Variants in MDGA2 observed in about 807,000 individuals in gnomAD.
MDGA2 encodes MAM domain containing glycosylphosphatidylinositol anchor 2.
Under a neutral mutation model 117.8 loss-of-function variants are expected in MDGA2, and 40 were observed. The observed-to-expected ratio is 0.34, with a 90% confidence interval of 0.26 to 0.44. The LOEUF is 0.44. MDGA2 is among the 20% of genes least tolerant of loss of function. The pLI is 1.00. For synonymous variants in MDGA2, 452 were observed against 439.0 expected, an observed-to-expected ratio of 1.03 and a Z score of -0.37; for missense variants, 1,123 against 1,250.6, an observed-to-expected ratio of 0.90 and a Z score of 1.54.
At chr14:47,296,647 G>A (rs1889084731) in intron 2 of MDGA2, among the ~76,000 whole-genome samples, 1 of 152,168 alleles carries the variant, frequency 6.6e-6, no homozygotes, top group Non-Finnish European at 1.5e-5. Context: ...CTGCCGTTGA[G>A]AAAGCAAGTA....
At chr14:47,576,889 C>T (rs543324165) in intron 1 of MDGA2, among the ~76,000 whole-genome samples, 1 of 152,040 alleles carries the variant, frequency 6.6e-6, no homozygotes, top group African/African-American at 2.4e-5. Flanking sequence ...TCTGGGACCA[C>T]GGGCATGTGC....
chr14:47,276,986 A>G (rs1240046333), intron 2 of MDGA2, among the ~76,000 whole-genome samples: 2 of 152,142 alleles, frequency 1.3e-5, no homozygotes, highest in African/African-American at 4.8e-5. Context: ...CCACACCACT[A>G]CCAGCCTGGG....
intron 1 of MDGA2, among the ~76,000 whole-genome samples, chr14:47,506,994 C>CTTT (rs34589993): frequency 7.4e-6 from 1 of 136,040 alleles, no homozygotes; most frequent in Non-Finnish European, 1.6e-5. Flanking sequence ...AGGCTGCTTA[C>CTTT]TTTTTTTTTT....
chr14:47,478,119 T>A (rs1276262681), intron 1 of MDGA2, among the ~76,000 whole-genome samples: 1 of 152,208 alleles, frequency 6.6e-6, no homozygotes, highest in African/African-American at 2.4e-5. Flanking sequence ...AAACTCAACC[T>A]TACATACTTT....
intron 5 of MDGA2, among the ~76,000 whole-genome samples, chr14:47,109,793 A>T (rs1449100676): frequency 6.6e-6 from 1 of 152,140 alleles, no homozygotes; most frequent in Non-Finnish European, 1.5e-5. Context: ...CAAAAATACA[A>T]AAATTAGCCA....
intron 3 of MDGA2, among the ~76,000 whole-genome samples, chr14:47,215,041 T>G (rs765626183): frequency 4.6e-5 from 7 of 152,170 alleles, no homozygotes; most frequent in Non-Finnish European, 8.8e-5. Flanking sequence ...TGATTTTGCA[T>G]GAGTGTATTT....
chr14:47,092,951 C>T (rs1349289347), intron 6 of MDGA2, among the ~76,000 whole-genome samples: 1 of 152,008 alleles, frequency 6.6e-6, no homozygotes, highest in African/African-American at 2.4e-5. Flanking sequence ...ATGTATATAT[C>T]GTCTAGGTAG....
chr14:46,922,608 G>A (rs1219498284), intron 9 of MDGA2, among the ~76,000 whole-genome samples: 1 of 152,088 alleles, frequency 6.6e-6, no homozygotes, highest in Non-Finnish European at 1.5e-5. Context: ...CATCTCTAAG[G>A]TGGTGACCAG....
intron 6 of MDGA2, among the ~76,000 whole-genome samples, chr14:47,093,019 GAGA>G (rs1201944685): frequency 1.3e-5 from 2 of 152,114 alleles, no homozygotes; most frequent in African/African-American, 4.8e-5. Flanking sequence ...GCTTTATATA[GAGA>G]AGATCTTCAT....
At chr14:47,036,289 A>G (rs1054451331) in intron 7 of MDGA2, among the ~76,000 whole-genome samples, 63 of 151,870 alleles carry the variant, frequency 4.1e-4, no homozygotes, top group Non-Finnish European at 8.8e-4. Flanking sequence ...AAAAAAAAAA[A>G]AAAAGAATTA....
chr14:46,980,715 G>C (rs1886638666), intron 8 of MDGA2, among the ~76,000 whole-genome samples: 2 of 152,122 alleles, frequency 1.3e-5, no homozygotes, highest in Admixed American at 6.6e-5. Flanking sequence ...TAAACATCAA[G>C]GCAAGACCCT....
intron 1 of MDGA2, among the ~76,000 whole-genome samples, chr14:47,635,743 T>C (rs1403954722): frequency 6.6e-6 from 1 of 152,174 alleles, no homozygotes; most frequent in Non-Finnish European, 1.5e-5. Context: ...GTGTGAATGT[T>C]TTATAATCTT....
intron 3 of MDGA2, among the ~76,000 whole-genome samples, chr14:47,171,408 G>A (rs1042172582): frequency 1.3e-5 from 2 of 152,138 alleles, no homozygotes; most frequent in Admixed American, 6.5e-5. Flanking sequence ...ACCATTGAGA[G>A]AATTGAGAAG....
intron 3 of MDGA2, among the ~76,000 whole-genome samples, chr14:47,160,527 G>T (rs1883591407): frequency 6.6e-6 from 1 of 152,098 alleles, no homozygotes; most frequent in African/African-American, 2.4e-5. Flanking sequence ...AGCTGGGCAT[G>T]GTGCATCCTG....
At chr14:47,374,531 T>C (rs1425385205) in intron 1 of MDGA2, among the ~76,000 whole-genome samples, 1 of 152,154 alleles carries the variant, frequency 6.6e-6, no homozygotes, top group Non-Finnish European at 1.5e-5. Flanking sequence ...TGTTGGTGAT[T>C]TAAATCACAG....
chr14:47,093,167 CA>C (rs1170917129), intron 6 of MDGA2, among the ~76,000 whole-genome samples: 2 of 152,006 alleles, frequency 1.3e-5, no homozygotes, highest in Non-Finnish European at 2.9e-5. Flanking sequence ...GCTCTCCAGC[CA>C]AAGTGGACCC....
intron 2 of MDGA2, among the ~76,000 whole-genome samples, chr14:47,272,233 G>A (rs1888169866): frequency 6.6e-6 from 1 of 152,204 alleles, no homozygotes; most frequent in Non-Finnish European, 1.5e-5. Context: ...CTTTCTATGG[G>A]CTGCCTCACT....
chr14:47,301,455 T>A lies in MDGA2; in HGVS notation c.376A>T (p.Thr126Ser). ...ERVYTIREGE[T>S]LELTCLVTGH... ...GTGACTAGACAAGTCAACTCAAGGG[T>A]TTCTCCTTCCCGGATAGTGTAGACC... The change falls in exon 2 of 17, where the codon ACC becomes TCC. Residue 126 changes from threonine to serine, a missense_variant. Thr to Ser is a moderately conservative substitution (Grantham distance 58). Around this residue, in one of 2 missense-constraint regions of MDGA2, gnomAD observed 233 missense variants for 200.3 expected, o/e 1.16. Transcript: ENST00000399232. The A allele has an allele frequency of 6.4e-7, 1 of 1,551,806 alleles. No individual in the cohort carries two copies. Among genetic ancestry groups the A allele is most frequent in the Non-Finnish European group, 8.7e-7 (1 of 1,147,014 alleles).
chr14:47,382,725 G>A (rs1891664602), intron 1 of MDGA2, among the ~76,000 whole-genome samples: 1 of 152,164 alleles, frequency 6.6e-6, no homozygotes, highest in Admixed American at 6.5e-5. Flanking sequence ...AGAGGATGTG[G>A]AGAAATAAGA....
Sources: allele counts gnomAD v4.1 joint callset (sites outside exome capture counted in the v4.1 genomes callset), GRCh38; gene constraint gnomAD v4.1.1; regional missense constraint gnomAD v4.1.1; transcripts MANE v1.5; gene names NCBI Gene and HGNC (gene_info 2026-07-23, HGNC 2026-07-21).